Variants in PTPN14 observed in about 807,000 individuals in gnomAD.
PTPN14 encodes tyrosine-protein phosphatase non-receptor type 14.
A neutral mutation model predicts 126.8 loss-of-function variants in PTPN14; 53 were observed. The ratio of observed to expected loss-of-function variants is 0.42; its 90% CI spans 0.34 to 0.53. The LOEUF (loss-of-function observed/expected upper bound fraction) is 0.53. PTPN14 is among the 20% of genes least tolerant of loss of function. PTPN14 has a pLI of 0.08. For missense variants in PTPN14, 1,257 were observed against 1,552.9 expected (o/e 0.81, Z 3.20); for synonymous variants, 630 against 599.3 (o/e 1.05, Z -0.75).
intron 1 of PTPN14, among the ~76,000 whole-genome samples, chr1:214,501,767 G>A (rs1447545778): frequency 1.3e-5 from 2 of 151,636 alleles, no homozygotes. Flanking sequence ...AACTTCAAAA[G>A]TTATTTTTTA....
At chr1:214,490,033 C>G (rs551355724) in intron 1 of PTPN14, among the ~76,000 whole-genome samples, 11 of 152,272 alleles carry the variant, frequency 7.2e-5, no homozygotes, top group African/African-American at 2.6e-4. Flanking sequence ...AAGTATAGGC[C>G]AAAGCCAATC....
Position 214,397,903 on chromosome 1 carries a change from A to G in PTPN14, c.758+10T>C. On this transcript the variant is annotated intron_variant, in intron 8 of 18. Transcript: ENST00000366956. ...AAAAAGAAAAAAGAAAAACAAACAA[A>G]TAAGACTACCTGTATATTACCGCTT... 2 of 1,576,264 alleles carry G rather than the reference A, an allele frequency of 1.3e-6. No homozygotes were observed. The highest frequency in any genetic ancestry group is 1.7e-6 in the Non-Finnish European group (2 of 1,149,328).
At chr1:214,404,215 G>A (rs1301458968) in intron 5 of PTPN14, among the ~76,000 whole-genome samples, 2 of 152,160 alleles carry the variant, frequency 1.3e-5, no homozygotes, top group Non-Finnish European at 2.9e-5. Context: ...GGAAAGCACA[G>A]ACATAAATGT....
intron 2 of PTPN14, among the ~76,000 whole-genome samples, chr1:214,459,149 CTTT>C (rs5780785): frequency 2.9e-5 from 4 of 135,810 alleles, no homozygotes; most frequent in Admixed American, 7.5e-5. Flanking sequence ...CTCTTTTCTT[CTTT>C]TTTTTTTTTT....
intron 1 of PTPN14, among the ~76,000 whole-genome samples, chr1:214,496,655 T>C (rs1654524084): frequency 6.6e-6 from 1 of 152,198 alleles, no homozygotes; most frequent in Non-Finnish European, 1.5e-5. Context: ...AGTGCTGGGA[T>C]CCCTAAGGGA....
At chr1:214,528,597 TA>T (rs1655458959) in intron 1 of PTPN14, 1 of 152,108 alleles carries the variant, frequency 6.6e-6, no homozygotes, top group South Asian at 2.1e-4. Context: ...ACTTGAGTGG[TA>T]GGGTAATTGG....
chr1:214,454,854 G>A (rs1053467768), intron 2 of PTPN14, among the ~76,000 whole-genome samples: 1 of 152,138 alleles, frequency 6.6e-6, no homozygotes, highest in Non-Finnish European at 1.5e-5. Context: ...GGGCAGAATT[G>A]GGGGAGGCAG....
rs985924296 is a variant in PTPN14 at position 214,358,098 on chromosome 1, C to T, written c.3436-48G>A. 23 of 1,598,360 alleles carry T rather than the reference C, an allele frequency of 1.4e-5. No homozygotes were observed. The East Asian group carries it at 5.1e-4, about 36-fold the overall frequency. ...CAAGGTCCTGAGACAGGAGGCTTCC[C>T]TTTGAGCATTCCTCATTCCCTCATT... is the stretch of plus-strand genomic sequence containing the variant. On this transcript the variant is annotated intron_variant, in intron 18 of 18. Transcript: ENST00000366956.
At chr1:214,363,092 CTA>C (rs1174202092) in intron 18 of PTPN14, among the ~76,000 whole-genome samples, 4 of 152,182 alleles carry the variant, frequency 2.6e-5, no homozygotes, top group Non-Finnish European at 1.5e-5. Context: ...TAAAAAAATC[CTA>C]TGTGGGGCAA....
At chr1:214,366,465 G>T (rs1658083540) in intron 17 of PTPN14, among the ~76,000 whole-genome samples, 1 of 152,196 alleles carries the variant, frequency 6.6e-6, no homozygotes, top group Non-Finnish European at 1.5e-5. Context: ...TGGAGAGAAG[G>T]TGGATTCAAA....
intron 1 of PTPN14, among the ~76,000 whole-genome samples, chr1:214,507,068 A>C (rs961885245): frequency 7.9e-5 from 12 of 152,212 alleles, no homozygotes; most frequent in Admixed American, 2.6e-4. Flanking sequence ...CTTTACCAAG[A>C]ATGAGTCATA....
intron 1 of PTPN14, chr1:214,533,213 C>A: frequency 1.5e-6 from 1 of 680,118 alleles, no homozygotes; most frequent in Non-Finnish European, 2.6e-6. Flanking sequence ...CTGCACCTGG[C>A]GTCAGGGCTG....
intron 1 of PTPN14, among the ~76,000 whole-genome samples, chr1:214,469,828 G>GGA (rs386369603): frequency 2.0e-4 from 1 of 4,974 alleles, no homozygotes; most frequent in East Asian, 4.3e-3. Context: ...GGGGAAAGGC[G>GGA]GGGGTATGTG....
chr1:214,367,275 A>G (rs1658103956), intron 17 of PTPN14, among the ~76,000 whole-genome samples: 1 of 152,146 alleles, frequency 6.6e-6, no homozygotes, highest in African/African-American at 2.4e-5. Flanking sequence ...TACAGATAAC[A>G]AGCCATTTGA....
At chr1:214,407,985 A>G (rs1216375506) in intron 5 of PTPN14, among the ~76,000 whole-genome samples, 1 of 150,314 alleles carries the variant, frequency 6.7e-6, no homozygotes, top group Admixed American at 6.7e-5. Flanking sequence ...CCCAGGCCAC[A>G]CTGCCTCTGC....
chr1:214,382,269 T>C (rs537426213), intron 13 of PTPN14, among the ~76,000 whole-genome samples: 47 of 152,240 alleles, frequency 3.1e-4, no homozygotes, highest in African/African-American at 1.1e-3. Flanking sequence ...TTCGTTGTTC[T>C]ATATGTGCCT....
intron 18 of PTPN14, among the ~76,000 whole-genome samples, chr1:214,359,209 CT>C (rs941007216): frequency 1.2e-4 from 18 of 150,914 alleles, no homozygotes; most frequent in African/African-American, 2.4e-4. Context: ...ACTGAGAACA[CT>C]TTTTTTCTTT....
intron 1 of PTPN14, among the ~76,000 whole-genome samples, chr1:214,518,646 C>T (rs538973533): frequency 6.6e-6 from 1 of 152,282 alleles, no homozygotes; most frequent in East Asian, 1.9e-4. Context: ...TAAAATCCCA[C>T]TGGGCAGATG....
At chr1:214,497,319 G>A (rs538203151) in intron 1 of PTPN14, among the ~76,000 whole-genome samples, 1 of 152,178 alleles carries the variant, frequency 6.6e-6, no homozygotes, top group Admixed American at 6.5e-5. Context: ...TCAGGAAAAT[G>A]TAAATTAAAC....
Sources: gnomAD v4.1 joint callset for allele counts (sites outside exome capture counted in the v4.1 genomes callset) on GRCh38, gnomAD v4.1.1 for gene constraint, MANE v1.5 for transcripts, NCBI Gene and HGNC (gene_info 2026-07-23, HGNC 2026-07-21) for gene names.